The following RNF182 variants were observed in gnomAD, a reference collection of about 807,000 sequenced individuals.
The protein encoded by RNF182 is ring finger protein 182.
In RNF182, 15 loss-of-function variants were observed where a neutral mutation model predicts 14.4. The ratio of observed to expected loss-of-function variants is 1.04; its 90% CI spans 0.70 to 1.60. RNF182 has a LOEUF of 1.60. RNF182 is among the 40% of genes most tolerant of loss of function. The pLI, the probability that RNF182 is intolerant of heterozygous loss-of-function variation, is 0.00. For synonymous variants in RNF182, 128 were observed against 122.9 expected, an observed-to-expected ratio of 1.04 and a Z score of -0.27; for missense variants, 268 against 294.8, an observed-to-expected ratio of 0.91 and a Z score of 0.67.
chr6:13,957,792 C>A lies in RNF182; in HGVS notation c.-366-16418C>A, dbSNP rs1759766743. 2.6e-5 allele frequency among the ~76,000 whole-genome samples: 4 copies of A among 152,148 alleles called. No homozygotes were observed. The South Asian group carries it at 8.3e-4, about 31-fold the overall frequency. ...ACTATTTTGCTAGTATGTAAAGAAA[C>A]ATTTGTGGAAAATTTAAAAGCCTTA... On this transcript the variant is annotated intron_variant, in intron 1 of 2. Transcript: ENST00000488300.
chr6:13,959,045 T>C (rs1759799506), intron 1 of RNF182, among the ~76,000 whole-genome samples: 1 of 152,196 alleles, frequency 6.6e-6, no homozygotes, highest in African/African-American at 2.4e-5. Flanking sequence ...TTTCTTCCCA[T>C]GGATAGAAGC....
intron 1 of RNF182, among the ~76,000 whole-genome samples, chr6:13,940,866 G>T (rs190173386): frequency 6.6e-6 from 1 of 151,798 alleles, no homozygotes; most frequent in African/African-American, 2.4e-5. Context: ...AATTTCCAAC[G>T]GTTTAGGATA....
At chr6:13,953,816 C>G (rs978586480) in intron 1 of RNF182, among the ~76,000 whole-genome samples, 15 of 152,098 alleles carry the variant, frequency 9.9e-5, no homozygotes, top group Middle Eastern at 3.2e-3. Flanking sequence ...ATGGGCTCCC[C>G]CTCTAGACTG....
chr6:13,938,032 C>T (rs183524587), intron 1 of RNF182, among the ~76,000 whole-genome samples: 6 of 85,210 alleles, frequency 7.0e-5, no homozygotes, highest in Admixed American at 1.9e-4. Flanking sequence ...TTTTTTGAGA[C>T]AGAGTTTCTG....
At chr6:13,929,920 T>C (rs1758923690) in intron 1 of RNF182, among the ~76,000 whole-genome samples, 1 of 152,238 alleles carries the variant, frequency 6.6e-6, no homozygotes, top group African/African-American at 2.4e-5. Context: ...CATTTCTTCA[T>C]AGCATATTGT....
rs1046051777 is a variant in RNF182 at position 13,979,163 on chromosome 6, A to G, written c.*1300A>G. The G allele has an allele frequency of 2.4e-5, 4 of 167,066 alleles. No homozygotes were observed. Among genetic ancestry groups the G allele is most frequent in the Admixed American group, 1.3e-4 (2 of 15,276 alleles). 10.3% of individuals were successfully genotyped at this position (167,066 alleles called of 1,614,324 possible). A position where few individuals can be genotyped will look rare whatever the true frequency, so the allele number is the denominator to read the frequency against. ...TTTATTTTGAATACAAGCATAATCT[A>G]GGTGATTTGAGTTAATGAACTTCTT... On this transcript the variant is annotated 3_prime_UTR_variant, in exon 3 of 3. Coordinates refer to ENST00000488300, the MANE Select transcript of RNF182 (RefSeq NM_152737.4).
intron 1 of RNF182, among the ~76,000 whole-genome samples, chr6:13,952,151 T>C (rs1025536573): frequency 8.5e-5 from 13 of 152,082 alleles, no homozygotes; most frequent in Non-Finnish European, 1.3e-4. Flanking sequence ...TTGTCTGTTG[T>C]GGGGCTGGGA....
Position 13,977,170 on chromosome 6 carries a change from G to A in RNF182, c.51G>A (p.Glu17=). Residue 17 remains glutamate, a synonymous_variant, in exon 3 of 3, where the codon GAG becomes GAA. Transcript: ENST00000488300. ...CTGCGGAGTCTCAGGCCTCTGATGA[G>A]CTGGAGTGCAAAATCTGTTACAATC... The part of the protein sequence containing the change: ...EDTAESQASD[E]LECKICYNRY... The A allele has an allele frequency of 2.5e-6, 4 of 1,614,154 alleles. No homozygotes were observed. The highest frequency in any genetic ancestry group is 3.4e-6 in the Non-Finnish European group (4 of 1,180,012).
chr6:13,977,917 T>C lies in RNF182; in HGVS notation c.*54T>C, dbSNP rs980149015. On this transcript the variant is annotated 3_prime_UTR_variant, in exon 3 of 3. Transcript: ENST00000488300. ...ACATTGCCCTGTTTGAGTGTGAAGT[T>C]AGATAATTTATAATTTATTTTCTTT... is the stretch of plus-strand genomic sequence containing the variant. 2.7e-6 allele frequency: 4 copies of C among 1,477,920 alleles called. No individual in the cohort carries two copies. The African/African-American group carries it at 5.7e-5, about 21-fold the overall frequency. 91.6% of individuals were successfully genotyped at this position (1,477,920 alleles called of 1,614,324 possible).
chr6:13,977,949 C>T lies in RNF182; in HGVS notation c.*86C>T, dbSNP rs1205802741. ...TTTATAATTTATTTTCTTTTATGTT[C>T]TTTATGATTAGTATCCATGACATTA... On this transcript the variant is annotated 3_prime_UTR_variant, in exon 3 of 3. Coordinates refer to ENST00000488300, the MANE Select transcript of RNF182 (RefSeq NM_152737.4). 20 of 1,362,604 alleles carry T rather than the reference C, an allele frequency of 1.5e-5. No homozygotes were observed. Among genetic ancestry groups the T allele is most frequent in the African/African-American group, 2.9e-5 (2 of 68,238 alleles). 84.4% of individuals were successfully genotyped at this position (1,362,604 alleles called of 1,614,324 possible).
rs1293743215 is a variant in RNF182, at chr6:13,966,187, A to G, written c.-366-8023A>G. Among the ~76,000 whole-genome samples, 6 of 152,212 alleles carry G rather than the reference A, an allele frequency of 3.9e-5. No individual in the cohort carries two copies. In the East Asian group the frequency reaches 1.2e-3, roughly 29 times the overall value. ...CCCTGTCAGGAGGAAATTTATTACT[A>G]CATAAGAATTTAGAAATATCATCAC... On this transcript the variant is annotated intron_variant, in intron 1 of 2. Coordinates refer to ENST00000488300, the MANE Select transcript of RNF182 (RefSeq NM_152737.4).
At chr6:13,963,046 C>T (rs945513721) in intron 1 of RNF182, among the ~76,000 whole-genome samples, 1 of 152,122 alleles carries the variant, frequency 6.6e-6, no homozygotes, top group Non-Finnish European at 1.5e-5. Flanking sequence ...AGGAAAGATA[C>T]TTCAATGGAT....
chr6:13,955,322 T>TCA, intron 1 of RNF182, among the ~76,000 whole-genome samples: 1 of 152,334 alleles, frequency 6.6e-6, no homozygotes, highest in South Asian at 2.1e-4. Context: ...AATTCCATCA[T>TCA]TGGTTGAAAT....
chr6:13,931,775 G>A (rs1217584451), intron 1 of RNF182, among the ~76,000 whole-genome samples: 2 of 151,696 alleles, frequency 1.3e-5, no homozygotes, highest in African/African-American at 4.9e-5. Flanking sequence ...CCTTCATTTC[G>A]TTACTGCAAT....
intron 1 of RNF182, chr6:13,949,251 C>T (rs1036564550): frequency 7.6e-6 from 6 of 784,694 alleles, no homozygotes; most frequent in Admixed American, 5.1e-5. Flanking sequence ...ATTCAGACAC[C>T]AGTTGTTTCC....
intron 1 of RNF182, among the ~76,000 whole-genome samples, chr6:13,955,739 C>T (rs1759711518): frequency 6.6e-6 from 1 of 152,086 alleles, no homozygotes; most frequent in South Asian, 2.1e-4. Context: ...TTATGATCCA[C>T]CATGGTACCA....
chr6:13,956,913 C>T (rs1017434258), intron 1 of RNF182, among the ~76,000 whole-genome samples: 8 of 152,068 alleles, frequency 5.3e-5, no homozygotes, highest in African/African-American at 9.7e-5. Context: ...CACCACCCCC[C>T]GCCCCCCACC....
chr6:13,945,009 A>G (rs1759402813), intron 1 of RNF182, among the ~76,000 whole-genome samples: 1 of 152,238 alleles, frequency 6.6e-6, no homozygotes, highest in Non-Finnish European at 1.5e-5. Context: ...TTGAGGAGTG[A>G]GAACATAAGA....
At chr6:13,934,516 C>G (rs1327448237) in intron 1 of RNF182, among the ~76,000 whole-genome samples, 1 of 152,198 alleles carries the variant, frequency 6.6e-6, no homozygotes, top group African/African-American at 2.4e-5. Context: ...AGTGACTTCT[C>G]CAACAATGTT....
Sources: allele counts gnomAD v4.1 joint callset (sites outside exome capture counted in the v4.1 genomes callset), GRCh38; gene constraint gnomAD v4.1.1; transcripts MANE v1.5; gene names NCBI Gene and HGNC (gene_info 2026-07-23, HGNC 2026-07-21).